Variants in ZNF573 observed in about 807,000 individuals in gnomAD.
ZNF573 encodes the protein zinc finger protein 573.
In ZNF573, 41 loss-of-function variants were observed where a neutral mutation model predicts 57.4. The ratio of observed to expected loss-of-function variants is 0.71; its 90% CI spans 0.56 to 0.93. The LOEUF is 0.93. Ranked by LOEUF, ZNF573 falls within the 40% of genes least tolerant of loss-of-function variation. The pLI, the probability that ZNF573 is intolerant of heterozygous loss-of-function variation, is 0.00. For missense variants in ZNF573, 730 were observed against 794.8 expected, an observed-to-expected ratio of 0.92 and a Z score of 0.98; for synonymous variants, 249 against 261.0, an observed-to-expected ratio of 0.95 and a Z score of 0.44.
At position 37,770,832 on chromosome 19, in the gene ZNF573, T is replaced by TTATATATATATATATATATATATATA. The variant is rs58757674; in HGVS notation, c.202+706_202+731dup. On this transcript the variant is annotated intron_variant, in intron 3 of 4. Coordinates refer to ENST00000536220, the MANE Select transcript of ZNF573 (RefSeq NM_001172690.2). ...ACAGTTCTTTCAGGATTAAGTTATT[T>TTATATATATATATATATATATATATA]TATATATATATATATATATATATAT... Among the ~76,000 whole-genome samples, 65 of 93,698 alleles carry TTATATATATATATATATATATATATA rather than the reference T, an allele frequency of 6.9e-4. 4 individuals carry two copies. The highest frequency in any genetic ancestry group is 2.3e-3 in the East Asian group (3 of 1,282). The allele number at this position is 93,698 out of a possible 152,430, so 61.5% of individuals were successfully genotyped here. A position where few individuals can be genotyped will look rare whatever the true frequency, so the allele number is the denominator to read the frequency against.
chr19:37,759,179 ATATAGAAG>A lies in ZNF573; in HGVS notation c.295+10818_295+10825del, dbSNP rs1436930229. The A allele has an allele frequency of 1.7e-5, 10 of 589,262 alleles. No individual in the cohort carries two copies. In the Admixed American group the frequency reaches 6.4e-4, roughly 37 times the overall value. The allele number at this position is 589,262 out of a possible 1,614,324, so 36.5% of individuals were successfully genotyped here. The stretch of plus-strand genomic sequence containing the variant: ...AACAAACAAAATAACGAATCACACA[ATATAGAAG>A]TATATAATTACATATTATAGAATTA... On this transcript the variant is annotated intron_variant, in intron 4 of 4. Coordinates refer to ENST00000536220, the MANE Select transcript of ZNF573 (RefSeq NM_001172690.2).
intron 4 of ZNF573, among the ~76,000 whole-genome samples, chr19:37,745,091 T>C (rs916373565): frequency 2.0e-5 from 3 of 151,686 alleles, no homozygotes; most frequent in African/African-American, 7.3e-5. Context: ...CAGGAAATAC[T>C]TAAAGAAAAA....
rs547099353 is a variant in ZNF573, at chr19:37,775,191, A to G, written c.-22-1440T>C. ...ACCACCATGCCTGGCTAATTTAAAA[A>G]AATTTTTTTAGAGACAGGGTCTTAC... On this transcript the variant is annotated intron_variant, in intron 1 of 4. Transcript: ENST00000536220. Among the ~76,000 whole-genome samples the G allele has an allele frequency of 5.3e-5, 8 of 151,988 alleles. No homozygotes were observed. In the East Asian group the frequency reaches 1.4e-3, roughly 26 times the overall value.
At chr19:37,750,281 C>T (rs1292212838) in intron 4 of ZNF573, among the ~76,000 whole-genome samples, 1 of 152,048 alleles carries the variant, frequency 6.6e-6, no homozygotes, top group African/African-American at 2.4e-5. Flanking sequence ...CAGGGTTTCA[C>T]CATGTTAGCC....
At chr19:37,747,650 G>A (rs1487205420) in intron 4 of ZNF573, among the ~76,000 whole-genome samples, 1 of 151,994 alleles carries the variant, frequency 6.6e-6, no homozygotes, top group South Asian at 2.1e-4. Flanking sequence ...TATCACCAGT[G>A]ATGTCATGTA....
chr19:37,746,561 G>A (rs1176015334), intron 4 of ZNF573, among the ~76,000 whole-genome samples: 1 of 152,074 alleles, frequency 6.6e-6, no homozygotes, highest in Non-Finnish European at 1.5e-5. Context: ...ATCGGCGAAT[G>A]TGCATATATC....
intron 4 of ZNF573, among the ~76,000 whole-genome samples, chr19:37,746,318 GA>G (rs1408247269): frequency 6.6e-6 from 1 of 152,146 alleles, no homozygotes; most frequent in Non-Finnish European, 1.5e-5. Context: ...TAACAACTCA[GA>G]AATGTGTTAC....
intron 4 of ZNF573, among the ~76,000 whole-genome samples, chr19:37,742,158 G>C (rs2045333540): frequency 6.6e-6 from 1 of 152,040 alleles, no homozygotes; most frequent in Non-Finnish European, 1.5e-5. Flanking sequence ...ATAAACCACT[G>C]CTCAAGGAAA....
intron 4 of ZNF573, among the ~76,000 whole-genome samples, chr19:37,766,377 C>T (rs989048771): frequency 1.3e-5 from 2 of 152,166 alleles, no homozygotes; most frequent in South Asian, 2.1e-4. Flanking sequence ...TAAACACATC[C>T]CACTGTTTTC....
At position 37,738,674 on chromosome 19, in the gene ZNF573, C is replaced by T. The variant is rs761495133; in HGVS notation, c.1816G>A (p.Gly606Ser). ...YLTQHQKIHT[G>S]GKPYECKECG... Reference sequence around the variant, plus strand: ...TCTTTACATTCATAAGGTTTTCCACCAGTATGAATTTTCTGATGTTGGGTA... The same window carrying T: ...TCTTTACATTCATAAGGTTTTCCACTAGTATGAATTTTCTGATGTTGGGTA... The change falls in exon 5 of 5, where the codon GGT becomes AGT. Residue 606 changes from glycine (G) to serine (S), a missense_variant. By Grantham distance (56) the Gly-to-Ser change is moderately conservative. Coordinates refer to ENST00000536220, the MANE Select transcript of ZNF573 (RefSeq NM_001172690.2). 1 of 1,611,306 alleles carries T rather than the reference C, an allele frequency of 6.2e-7. No homozygotes were observed. Among genetic ancestry groups the T allele is most frequent in the Non-Finnish European group, 8.5e-7 (1 of 1,179,010 alleles).
intron 4 of ZNF573, among the ~76,000 whole-genome samples, chr19:37,763,832 G>T (rs886969795): frequency 1.3e-5 from 2 of 152,266 alleles, no homozygotes; most frequent in Non-Finnish European, 2.9e-5. Flanking sequence ...GGGAGGCCAA[G>T]GTGGGCAGGT....
chr19:37,767,785 G>A (rs1225316259), intron 4 of ZNF573, among the ~76,000 whole-genome samples: 2 of 152,106 alleles, frequency 1.3e-5, no homozygotes, highest in African/African-American at 4.8e-5. Context: ...AAATAGAATG[G>A]AAGATGTTTC....
chr19:37,757,349 A>C (rs1048539746), intron 4 of ZNF573, among the ~76,000 whole-genome samples: 2 of 152,072 alleles, frequency 1.3e-5, no homozygotes, highest in Admixed American at 1.3e-4. Flanking sequence ...GGCGCCCGCC[A>C]CCGCGCCCGG....
At chr19:37,757,078 G>T (rs1394531436) in intron 4 of ZNF573, among the ~76,000 whole-genome samples, 7 of 151,676 alleles carry the variant, frequency 4.6e-5, no homozygotes, top group Non-Finnish European at 8.8e-5. Flanking sequence ...GGAAAAATGG[G>T]GGTTACTGAA....
intron 4 of ZNF573, among the ~76,000 whole-genome samples, chr19:37,754,706 C>T (rs1294016351): frequency 3.4e-5 from 5 of 147,856 alleles, no homozygotes; most frequent in Non-Finnish European, 7.5e-5. Flanking sequence ...AGAAAGGGTA[C>T]AGAAGGCAAA....
intron 4 of ZNF573, among the ~76,000 whole-genome samples, chr19:37,750,123 C>A (rs1208807173): frequency 6.6e-6 from 1 of 150,608 alleles, no homozygotes; most frequent in Non-Finnish European, 1.5e-5. Flanking sequence ...CCCTTTGTTG[C>A]CCAGGCTGGG....
chr19:37,761,781 T>A (rs142479911), intron 4 of ZNF573, among the ~76,000 whole-genome samples: 1 of 152,360 alleles, frequency 6.6e-6, no homozygotes, highest in Non-Finnish European at 1.5e-5. Flanking sequence ...TTGTTAAACC[T>A]AAGCATAAAA....
chr19:37,772,176 C>T (rs3848624), intron 2 of ZNF573, among the ~76,000 whole-genome samples: 22,799 of 152,050 alleles, frequency 0.15, 1,925 homozygotes, highest in Middle Eastern at 0.28. Flanking sequence ...CACTCCTGCC[C>T]AGGCTGGAGT....
Position 37,773,694 on chromosome 19 carries a change from C to A in ZNF573, c.36G>T (p.Leu12=). ...TGGTTTTAGAATTGTAAGACCTGAT[C>A]AGTCCTACTTGGTGGGGTTCCAATA... ...FPVLEPHQVG[L]IRSYNSKTMT... The change falls in exon 2 of 5, where the codon CTG becomes CTT. Residue 12 remains leucine, a synonymous_variant. Coordinates refer to ENST00000536220, the MANE Select transcript of ZNF573 (RefSeq NM_001172690.2). 2 of 1,535,804 alleles carry A rather than the reference C, an allele frequency of 1.3e-6. No individual in the cohort carries two copies. Among genetic ancestry groups the A allele is most frequent in the South Asian group, 2.4e-5 (2 of 84,012 alleles).
Sources: gnomAD v4.1 joint callset for allele counts (sites outside exome capture counted in the v4.1 genomes callset) on GRCh38, gnomAD v4.1.1 for gene constraint, MANE v1.5 for transcripts, NCBI Gene and HGNC (gene_info 2026-07-23, HGNC 2026-07-21) for gene names.